NEBL: variants seen among roughly 807,000 people sequenced by gnomAD.
The protein encoded by NEBL is nebulette.
In NEBL, 122 loss-of-function variants were observed where a neutral mutation model predicts 140.2. The ratio of observed to expected loss-of-function variants is 0.87; its 90% CI spans 0.75 to 1.01. The LOEUF is 1.01. Ranked by LOEUF, NEBL falls within the 50% of genes least tolerant of loss-of-function variation. The pLI is 0.00. For missense variants in NEBL, 1,365 were observed against 1,231.3 expected (o/e 1.11, Z -1.62); for synonymous variants, 436 against 398.9 (o/e 1.09, Z -1.11).
chr10:21,232,086 C>A (rs552057004), intron 3 of NEBL, among the ~76,000 whole-genome samples: 1 of 152,126 alleles, frequency 6.6e-6, no homozygotes, highest in Non-Finnish European at 1.5e-5. Flanking sequence ...CACTTCCCTA[C>A]GCTTCGAGAA....
chr10:21,067,275 T>C (rs1835611205), intron 2 of NEBL, among the ~76,000 whole-genome samples: 1 of 152,140 alleles, frequency 6.6e-6, no homozygotes, highest in Non-Finnish European at 1.5e-5. Context: ...CCAGCCGAAA[T>C]AATTTAACTT....
intron 3 of NEBL, among the ~76,000 whole-genome samples, chr10:21,016,564 T>G (rs961131640): frequency 2.4e-4 from 37 of 152,354 alleles, no homozygotes; most frequent in Non-Finnish European, 2.2e-4. Flanking sequence ...TTGGCTCACT[T>G]GGTAAGCTAA....
At chr10:20,838,618 G>A (rs553664459) in intron 13 of NEBL, among the ~76,000 whole-genome samples, 1 of 152,278 alleles carries the variant, frequency 6.6e-6, no homozygotes, top group East Asian at 1.9e-4. Context: ...TCTACTGTGG[G>A]TAAAATATAT....
rs1484060409 is a variant in NEBL at position 20,783,413 on chromosome 10, T to C, written c.*2334A>G. 1 of 152,206 alleles carries C rather than the reference T, an allele frequency of 6.6e-6. No individual in the cohort carries two copies. Among genetic ancestry groups the C allele is most frequent in the Non-Finnish European group, 1.5e-5 (1 of 68,038 alleles). The allele number at this position is 152,206 out of a possible 1,614,324, so 9.4% of individuals were successfully genotyped here. Reference sequence around the variant, plus strand: ...TTCCTAAAGGCTTGAAGCAGAAATATTTTGCTATGCAAACATTATTACGTG... The same window carrying C: ...TTCCTAAAGGCTTGAAGCAGAAATACTTTGCTATGCAAACATTATTACGTG... On this transcript the variant is annotated 3_prime_UTR_variant, in exon 28 of 28. Coordinates refer to ENST00000377122, the MANE Select transcript of NEBL (RefSeq NM_006393.3).
At chr10:21,004,500 C>T (rs1485186569) in intron 3 of NEBL, among the ~76,000 whole-genome samples, 3 of 152,094 alleles carry the variant, frequency 2.0e-5, no homozygotes, top group East Asian at 1.9e-4. Flanking sequence ...GCGGGCAGAT[C>T]ACGAGGTCAG....
intron 3 of NEBL, among the ~76,000 whole-genome samples, chr10:21,222,083 A>T (rs1258163258): frequency 6.6e-6 from 1 of 151,954 alleles, no homozygotes; most frequent in Non-Finnish European, 1.5e-5. Context: ...GTTTTATACC[A>T]CTATCTCATT....
chr10:21,259,522 T>C (rs746549360), intron 1 of NEBL, among the ~76,000 whole-genome samples: 2 of 152,010 alleles, frequency 1.3e-5, no homozygotes, highest in African/African-American at 4.8e-5. Context: ...CCTCAAAAGA[T>C]CCACACCTAG....
intron 4 of NEBL, among the ~76,000 whole-genome samples, chr10:20,924,389 T>C (rs2131511138): frequency 8.3e-6 from 1 of 120,186 alleles, no homozygotes; most frequent in South Asian, 2.7e-4. Context: ...ATCAAATGCC[T>C]ATAGCTCTCG....
chr10:20,924,413 T>TAAAGAAAAAAAAAAAAAAAA (rs1833765689), intron 4 of NEBL, among the ~76,000 whole-genome samples: 1 of 59,062 alleles, frequency 1.7e-5, no homozygotes, highest in Non-Finnish European at 2.9e-5. Context: ...AGGCATGAAG[T>TAAAGAAAAAAAAAAAAAAAA]AAAAAAAAAA....
chr10:20,842,130 T>C (rs1285477175), intron 12 of NEBL, among the ~76,000 whole-genome samples: 1 of 152,094 alleles, frequency 6.6e-6, no homozygotes, highest in Non-Finnish European at 1.5e-5. Flanking sequence ...CTAGGGTTCA[T>C]TTCATGTTAC....
intron 2 of NEBL, among the ~76,000 whole-genome samples, chr10:21,116,921 C>T (rs944706127): frequency 1.3e-5 from 2 of 152,064 alleles, no homozygotes; most frequent in Admixed American, 6.6e-5. Flanking sequence ...ATCTTCCTGC[C>T]TCAGCCTCCC....
chr10:21,274,673 G>A (rs970333064), intron 1 of NEBL, among the ~76,000 whole-genome samples: 7 of 152,010 alleles, frequency 4.6e-5, no homozygotes, highest in African/African-American at 1.4e-4. Context: ...TGTTCCACCC[G>A]ACTTGGCCTC....
intron 3 of NEBL, among the ~76,000 whole-genome samples, chr10:21,223,801 C>A (rs529144999): frequency 6.6e-6 from 1 of 152,120 alleles, no homozygotes; most frequent in Non-Finnish European, 1.5e-5. Context: ...TGTTGAGCAC[C>A]TTTTCATTTA....
rs1372779627 is a variant in NEBL at position 20,782,737 on chromosome 10, T to C, written c.*3010A>G. The C allele has an allele frequency of 6.6e-6, 1 of 152,208 alleles. No individual in the cohort carries two copies. The highest frequency in any genetic ancestry group is 6.5e-5 in the Admixed American group (1 of 15,270). 9.4% of individuals were successfully genotyped at this position (152,208 alleles called of 1,614,324 possible). ...TGGGCAGTTGATAACCAAATAAATATTTCAAACTGGGCTACACTGCAAGTG... is the reference window on the plus strand; with the variant it reads ...TGGGCAGTTGATAACCAAATAAATACTTCAAACTGGGCTACACTGCAAGTG... On this transcript the variant is annotated 3_prime_UTR_variant, in exon 28 of 28. Coordinates refer to ENST00000377122, the MANE Select transcript of NEBL (RefSeq NM_006393.3).
intron 2 of NEBL, among the ~76,000 whole-genome samples, chr10:21,025,731 C>G (rs1484339868): frequency 6.6e-6 from 1 of 152,110 alleles, no homozygotes; most frequent in African/African-American, 2.4e-5. Context: ...GCTTGTCTAC[C>G]TTCCATCTGT....
chr10:20,972,687 C>A (rs1185133169), intron 3 of NEBL, among the ~76,000 whole-genome samples: 1 of 151,938 alleles, frequency 6.6e-6, no homozygotes, highest in Non-Finnish European at 1.5e-5. Context: ...GCAGAGGCTG[C>A]AGTGAGCCAA....
At chr10:21,036,055 C>T (rs1215036369) in intron 2 of NEBL, among the ~76,000 whole-genome samples, 4 of 152,024 alleles carry the variant, frequency 2.6e-5, no homozygotes, top group Non-Finnish European at 4.4e-5. Context: ...CCCAGCTACT[C>T]AGGGAGCCGA....
At chr10:20,966,031 GAAGA>G in intron 3 of NEBL, among the ~76,000 whole-genome samples, 1 of 152,218 alleles carries the variant, frequency 6.6e-6, no homozygotes, top group East Asian at 1.9e-4. Context: ...CTTCAAGACT[GAAGA>G]AAGGCACTTT....
At chr10:21,148,862 G>A (rs1040215716) in intron 2 of NEBL, among the ~76,000 whole-genome samples, 1 of 151,956 alleles carries the variant, frequency 6.6e-6, no homozygotes, top group Non-Finnish European at 1.5e-5. Flanking sequence ...TTCTCCCCAA[G>A]ACAGGCCATA....
Sources: allele counts gnomAD v4.1 joint callset (sites outside exome capture counted in the v4.1 genomes callset), GRCh38; gene constraint gnomAD v4.1.1; transcripts MANE v1.5; gene names NCBI Gene and HGNC (gene_info 2026-07-23, HGNC 2026-07-21).